The following PRKAR2B variants were observed in gnomAD, a reference collection of about 807,000 sequenced individuals.
PRKAR2B encodes the protein cAMP-dependent protein kinase type II-beta regulatory subunit.
Under a neutral mutation model 49.9 loss-of-function variants are expected in PRKAR2B, and 14 were observed. The ratio of observed to expected loss-of-function variants is 0.28; its 90% CI spans 0.19 to 0.44. The LOEUF is 0.44. Among genes scored for constraint, PRKAR2B ranks in the 20% least tolerant of loss-of-function variants. The probability of loss-of-function intolerance (pLI) is 1.00; values close to 1 mark genes in which losing one functional copy is unlikely to be tolerated. For missense variants in PRKAR2B, 393 were observed against 537.9 expected (o/e 0.73, Z 2.67); for synonymous variants, 196 against 197.7 (o/e 0.99, Z 0.07).
intron 2 of PRKAR2B, among the ~76,000 whole-genome samples, chr7:107,119,241 C>T (rs1450267902): frequency 6.6e-6 from 1 of 152,092 alleles, no homozygotes. Context: ...ACAAGTTAAT[C>T]TTAACCAAAT....
At chr7:107,096,488 G>GT (rs60209901) in intron 2 of PRKAR2B, among the ~76,000 whole-genome samples, 1 of 151,138 alleles carries the variant, frequency 6.6e-6, no homozygotes, top group Non-Finnish European at 1.5e-5. Flanking sequence ...TTTTTGAAGG[G>GT]TTTTTTTGTG....
At chr7:107,125,997 G>C (rs907802711) in intron 3 of PRKAR2B, among the ~76,000 whole-genome samples, 3 of 148,518 alleles carry the variant, frequency 2.0e-5, no homozygotes, top group Admixed American at 1.4e-4. Context: ...TGAGGCAGGA[G>C]AGTCGCTTGA....
intron 1 of PRKAR2B, among the ~76,000 whole-genome samples, chr7:107,051,186 C>T (rs1324922850): frequency 6.6e-6 from 1 of 152,196 alleles, no homozygotes; most frequent in African/African-American, 2.4e-5. Flanking sequence ...TATTAACTTA[C>T]ATCATATGAA....
intron 1 of PRKAR2B, among the ~76,000 whole-genome samples, chr7:107,048,882 G>C (rs1793750703): frequency 6.6e-6 from 1 of 152,192 alleles, no homozygotes; most frequent in Non-Finnish European, 1.5e-5. Context: ...TAGAATGATA[G>C]TGGCTTATGG....
intron 2 of PRKAR2B, among the ~76,000 whole-genome samples, chr7:107,113,670 A>T (rs1034032137): frequency 6.6e-6 from 1 of 152,076 alleles, no homozygotes; most frequent in African/African-American, 2.4e-5. Context: ...TCTTTTTATT[A>T]TATCTGTTTA....
intron 2 of PRKAR2B, among the ~76,000 whole-genome samples, chr7:107,074,735 T>G (rs1794361351): frequency 6.6e-6 from 1 of 151,672 alleles, no homozygotes; most frequent in Admixed American, 6.6e-5. Flanking sequence ...GAGACGGAGG[T>G]TGCAGTGAGC....
At chr7:107,060,056 T>C (rs972918251) in intron 1 of PRKAR2B, among the ~76,000 whole-genome samples, 7 of 90,268 alleles carry the variant, frequency 7.8e-5, no homozygotes, top group African/African-American at 4.4e-4. Context: ...TTTTGGAAAA[T>C]ATAGTTTTTT....
At chr7:107,152,491 T>C (rs961091603) in intron 7 of PRKAR2B, among the ~76,000 whole-genome samples, 2 of 152,218 alleles carry the variant, frequency 1.3e-5, no homozygotes, top group African/African-American at 4.8e-5. Flanking sequence ...TCTTTGAAGG[T>C]AGAGACTTAT....
chr7:107,075,173 G>A (rs561144094), intron 2 of PRKAR2B, among the ~76,000 whole-genome samples: 1 of 151,618 alleles, frequency 6.6e-6, no homozygotes, highest in South Asian at 2.1e-4. Flanking sequence ...CATGATCTTG[G>A]CTCACTGCAA....
At chr7:107,060,280 A>T (rs1317147641) in intron 1 of PRKAR2B, among the ~76,000 whole-genome samples, 1 of 152,148 alleles carries the variant, frequency 6.6e-6, no homozygotes, top group Non-Finnish European at 1.5e-5. Context: ...GTAGGGGTGC[A>T]CAGCTTTGAC....
intron 2 of PRKAR2B, among the ~76,000 whole-genome samples, chr7:107,082,792 T>A (rs1794537553): frequency 6.6e-6 from 1 of 151,926 alleles, no homozygotes; most frequent in Admixed American, 6.6e-5. Flanking sequence ...AGACAGAGTT[T>A]GACCATGTTG....
intron 1 of PRKAR2B, among the ~76,000 whole-genome samples, chr7:107,061,428 T>C (rs1794024632): frequency 6.6e-6 from 1 of 151,096 alleles, no homozygotes; most frequent in South Asian, 2.2e-4. Context: ...TTTATAATTT[T>C]CTCCATAAGG....
At chr7:107,143,429 T>TTTAATTTAATC (rs1795825279) in intron 5 of PRKAR2B, among the ~76,000 whole-genome samples, 2 of 152,206 alleles carry the variant, frequency 1.3e-5, no homozygotes, top group Admixed American at 6.5e-5. Flanking sequence ...AATCAGAATA[T>TTTAATTTAATC]AGCATTGTAG....
At chr7:107,072,892 AAAGT>A (rs1233253387) in intron 2 of PRKAR2B, among the ~76,000 whole-genome samples, 1 of 152,184 alleles carries the variant, frequency 6.6e-6, no homozygotes, top group Non-Finnish European at 1.5e-5. Context: ...TTAGGGGAAG[AAAGT>A]AAGTCAGGTA....
chr7:107,109,899 CGGAA>C (rs933965037), intron 2 of PRKAR2B, among the ~76,000 whole-genome samples: 2 of 152,148 alleles, frequency 1.3e-5, no homozygotes, highest in Non-Finnish European at 2.9e-5. Context: ...CCCCACCCCA[CGGAA>C]GGACATTATT....
At chr7:107,148,520 G>T (rs1287367409) in intron 6 of PRKAR2B, among the ~76,000 whole-genome samples, 2 of 152,028 alleles carry the variant, frequency 1.3e-5, no homozygotes, top group African/African-American at 4.8e-5. Flanking sequence ...TATAAAAATG[G>T]GCAGTTTGTG....
chr7:107,047,923 G>A (rs1238427288), intron 1 of PRKAR2B, among the ~76,000 whole-genome samples: 1 of 152,114 alleles, frequency 6.6e-6, no homozygotes, highest in Non-Finnish European at 1.5e-5. Flanking sequence ...ACTGTACTTT[G>A]GAAAACATTA....
At chr7:107,119,435 C>CGTTTT (rs374824534) in intron 2 of PRKAR2B, among the ~76,000 whole-genome samples, 1 of 152,008 alleles carries the variant, frequency 6.6e-6, no homozygotes, top group Non-Finnish European at 1.5e-5. Flanking sequence ...GTTTTTGTTT[C>CGTTTT]GTTTTGTTTT....
At chr7:107,158,630 T>C (rs1413190961) in intron 10 of PRKAR2B, among the ~76,000 whole-genome samples, 1 of 152,186 alleles carries the variant, frequency 6.6e-6, no homozygotes, top group African/African-American at 2.4e-5. Context: ...CATAGAAGAC[T>C]TTTCTGTATT....
Sources: allele counts gnomAD v4.1 joint callset (sites outside exome capture counted in the v4.1 genomes callset), GRCh38; gene constraint gnomAD v4.1.1; transcripts MANE v1.5; gene names NCBI Gene and HGNC (gene_info 2026-07-23, HGNC 2026-07-21).